Variants in AFAP1 observed in about 807,000 individuals in gnomAD.
AFAP1 encodes the protein actin filament-associated protein 1.
In AFAP1, 75 loss-of-function variants were observed where a neutral mutation model predicts 93.9. The observed-to-expected ratio is 0.80, with a 90% CI of 0.66 to 0.97. The LOEUF (loss-of-function observed/expected upper bound fraction) is 0.97. Ranked by LOEUF, AFAP1 falls within the 50% of genes least tolerant of loss-of-function variation. The probability of loss-of-function intolerance (pLI) is 0.00; values close to 1 mark genes in which losing one functional copy is unlikely to be tolerated. For synonymous variants in AFAP1, 517 were observed against 430.7 expected, an observed-to-expected ratio of 1.20 and a Z score of -2.48; for missense variants, 1,201 against 1,050.8, an observed-to-expected ratio of 1.14 and a Z score of -1.98.
chr4:7,799,458 C>G (rs1265768644), intron 10 of AFAP1, among the ~76,000 whole-genome samples: 2 of 152,192 alleles, frequency 1.3e-5, no homozygotes, highest in African/African-American at 2.4e-5. Context: ...GCACTCTCTC[C>G]TCTGCCGATG....
rs1174509105 is a variant in AFAP1 at position 7,763,731 on chromosome 4, G to A, written c.*34C>T. Reference sequence around the variant, plus strand: ...GATGAGGATACAGGCAAGGGGGTGTGCAGTCTCTGAGGCTGGAGTGGTGCT... The same window carrying A: ...GATGAGGATACAGGCAAGGGGGTGTACAGTCTCTGAGGCTGGAGTGGTGCT... On this transcript the variant is annotated 3_prime_UTR_variant, in exon 18 of 18. Transcript: ENST00000420658. The A allele has an allele frequency of 1.4e-5, 22 of 1,551,250 alleles. No individual in the cohort carries two copies. The highest frequency in any genetic ancestry group is 2.4e-5 in the East Asian group (1 of 40,928).
intron 13 of AFAP1, 164 bp from the exon 14 acceptor site, chr4:7,779,040 C>T: frequency 1.7e-6 from 1 of 603,742 alleles, no homozygotes; most frequent in Non-Finnish European, 2.9e-6. Context: ...GGTTTCCAAA[C>T]ACTGGGCTGC....
chr4:7,799,182 C>A, intron 10 of AFAP1: 3 of 729,468 alleles, frequency 4.1e-6, no homozygotes, highest in Non-Finnish European at 5.0e-6. Context: ...TGGAACCCAG[C>A]TGTCCCAAGC....
chr4:7,898,181 G>C (rs558647596), intron 1 of AFAP1, among the ~76,000 whole-genome samples: 2 of 152,030 alleles, frequency 1.3e-5, no homozygotes, highest in African/African-American at 4.8e-5. Flanking sequence ...AGGCCAAGGC[G>C]GGTGGATCAC....
chr4:7,898,959 T>C (rs998233658), intron 1 of AFAP1, among the ~76,000 whole-genome samples: 2 of 150,506 alleles, frequency 1.3e-5, no homozygotes, highest in East Asian at 1.9e-4. Flanking sequence ...TGTGTATATA[T>C]ACACATTTGT....
chr4:7,907,613 C>T (rs530091704), intron 1 of AFAP1, among the ~76,000 whole-genome samples: 1 of 152,218 alleles, frequency 6.6e-6, no homozygotes, highest in Non-Finnish European at 1.5e-5. Flanking sequence ...CCAGAAACTC[C>T]GAAATCTATA....
chr4:7,787,498 G>C (rs1717412900), intron 11 of AFAP1, among the ~76,000 whole-genome samples: 1 of 152,214 alleles, frequency 6.6e-6, no homozygotes, highest in South Asian at 2.1e-4. Flanking sequence ...AGTGGAGTCA[G>C]CTTTGTGGAC....
At chr4:7,850,375 C>T (rs994086109) in intron 4 of AFAP1, among the ~76,000 whole-genome samples, 1 of 152,192 alleles carries the variant, frequency 6.6e-6, no homozygotes, top group African/African-American at 2.4e-5. Context: ...CGTTTACACA[C>T]ACACCCACAC....
chr4:7,918,240 G>T (rs1720203954), intron 1 of AFAP1, among the ~76,000 whole-genome samples: 2 of 148,126 alleles, frequency 1.4e-5, no homozygotes, highest in Admixed American at 1.4e-4. Context: ...ACTCGGCCCA[G>T]GTCACCAGGA....
Position 7,793,794 on chromosome 4 carries a change from A to G in AFAP1, c.1299T>C (p.Ile433=), listed in dbSNP as rs144093522. 695 of 1,561,598 alleles carry G rather than the reference A, an allele frequency of 4.5e-4. 9 individuals carry two copies. Among genetic ancestry groups the G allele is most frequent in the South Asian group, 2.9e-3 (252 of 86,216 alleles). Residue 433 remains isoleucine (I), a synonymous_variant, in exon 11 of 18, where the codon ATT becomes ATC. Transcript: ENST00000420658. ...ASSSEDMGRW[I]GILLAETGSS... is the part of the protein sequence containing the mutation. ...ATCCCGTCTCTGCGAGTAAAATCCC[A>G]ATCCACCTGCCCATGTCTTCAGAAG... is the stretch of plus-strand genomic sequence containing the variant.
In AFAP1 at chr4:7,775,242, A is replaced by G. The variant is rs142704839; in HGVS notation, c.1898-339T>C. 13 of 208,130 alleles carry G rather than the reference A, an allele frequency of 6.2e-5. 1 individual carries two copies. In the East Asian group the frequency reaches 1.6e-3, roughly 26 times the overall value. The allele number at this position is 208,130 out of a possible 1,614,324, so 12.9% of individuals were successfully genotyped here. A position where few individuals can be genotyped will look rare whatever the true frequency, so the allele number is the denominator to read the frequency against. On this transcript the variant is annotated intron_variant, in intron 14 of 17. Transcript: ENST00000420658. ...CACAAAGCATTATTTTGCTAATTCA[A>G]CAAGAAAAGGACAGGGCTGGTATGA...
intron 3 of AFAP1, among the ~76,000 whole-genome samples, chr4:7,866,038 G>A (rs1577315580): frequency 6.6e-6 from 1 of 151,786 alleles, no homozygotes; most frequent in South Asian, 2.1e-4. Flanking sequence ...CTGGGACTAC[G>A]GGCACCCAAC....
intron 1 of AFAP1, among the ~76,000 whole-genome samples, chr4:7,888,245 T>C (rs772882587): frequency 2.0e-5 from 3 of 152,230 alleles, no homozygotes; most frequent in South Asian, 2.1e-4. Flanking sequence ...GAAAGGACAT[T>C]ATGATTCACC....
chr4:7,917,819 C>A (rs570657174), intron 1 of AFAP1, among the ~76,000 whole-genome samples: 195 of 152,324 alleles, frequency 1.3e-3, no homozygotes, highest in African/African-American at 4.4e-3. Flanking sequence ...TTTCCTCCTG[C>A]GTCTTTCACT....
At chr4:7,841,792 T>C (rs1177862837) in intron 5 of AFAP1, among the ~76,000 whole-genome samples, 1 of 151,356 alleles carries the variant, frequency 6.6e-6, no homozygotes, top group Non-Finnish European at 1.5e-5. Context: ...CAACTACTCT[T>C]AGTAGTAGGT....
intron 1 of AFAP1, among the ~76,000 whole-genome samples, chr4:7,888,945 C>G (rs895848209): frequency 6.6e-6 from 1 of 151,920 alleles, no homozygotes; most frequent in Non-Finnish European, 1.5e-5. Context: ...TGCCCACCAC[C>G]ACCCCCATCT....
chr4:7,871,891 A>C, intron 2 of AFAP1, 61 bp downstream of exon 2: 2 of 1,565,962 alleles, frequency 1.3e-6, no homozygotes, highest in Non-Finnish European at 8.6e-7. Context: ...GGTAAAATTA[A>C]AGACGATTTA....
chr4:7,886,214 G>A (rs1402236641), intron 1 of AFAP1, among the ~76,000 whole-genome samples: 3 of 152,146 alleles, frequency 2.0e-5, no homozygotes, highest in Admixed American at 6.5e-5. Context: ...TCCCAGTTCC[G>A]TAATGTATAA....
intron 3 of AFAP1, among the ~76,000 whole-genome samples, chr4:7,866,239 C>T (rs188846891): frequency 1.3e-5 from 2 of 151,548 alleles, no homozygotes; most frequent in East Asian, 1.9e-4. Flanking sequence ...CTCTGTCACC[C>T]AGGCTGTAGT....
Sources: allele counts gnomAD v4.1 joint callset (sites outside exome capture counted in the v4.1 genomes callset), GRCh38; gene constraint gnomAD v4.1.1; transcripts MANE v1.5; gene names NCBI Gene and HGNC (gene_info 2026-07-23, HGNC 2026-07-21).